Variants in GALNT13 observed in about 807,000 individuals in gnomAD.
GALNT13 encodes polypeptide N-acetylgalactosaminyltransferase 13, also known as UDP-GalNAc:polypeptide N-acetylgalactosaminyltransferase 13.
A neutral mutation model predicts 64.2 loss-of-function variants in GALNT13; 28 were observed. That is an observed-to-expected ratio of 0.44 (90% CI 0.32 to 0.60). The LOEUF (loss-of-function observed/expected upper bound fraction) is 0.60. Ranked by LOEUF, GALNT13 falls within the 20% of genes least tolerant of loss-of-function variation. The pLI, the probability that GALNT13 is intolerant of heterozygous loss-of-function variation, is 0.05. For missense variants in GALNT13, 577 were observed against 669.8 expected (o/e 0.86, Z 1.53); for synonymous variants, 214 against 224.6 (o/e 0.95, Z 0.42).
At chr2:153,156,958 T>C in the GALNT13 span, among the ~76,000 whole-genome samples, 1 of 152,178 alleles carries the variant, frequency 6.6e-6, no homozygotes, top group Admixed American at 6.5e-5. Flanking sequence ...TAGAGCTCTG[T>C]GAAGTGTCTG....
the GALNT13 span, among the ~76,000 whole-genome samples, chr2:153,304,548 A>T: frequency 2.0e-5 from 3 of 152,292 alleles, no homozygotes; most frequent in Admixed American, 2.0e-4. Flanking sequence ...GGGGACTAGA[A>T]CCACCAATAT....
chr2:153,107,855 A>G, the GALNT13 span, among the ~76,000 whole-genome samples: 1 of 152,224 alleles, frequency 6.6e-6, no homozygotes, highest in South Asian at 2.1e-4. Context: ...CAGAAAATCC[A>G]CAAAGTGAAC....
At chr2:153,443,230 G>T in the GALNT13 span, among the ~76,000 whole-genome samples, 9 of 152,214 alleles carry the variant, frequency 5.9e-5, no homozygotes. Context: ...TGTGGGAAAA[G>T]TGGAGTATCT....
At chr2:153,470,581 G>GAA in the GALNT13 span, among the ~76,000 whole-genome samples, 2 of 152,124 alleles carry the variant, frequency 1.3e-5, no homozygotes, top group Non-Finnish European at 2.9e-5. Context: ...GATGGAGAAA[G>GAA]TCTGAGTGAC....
chr2:153,378,939 T>C, the GALNT13 span, among the ~76,000 whole-genome samples: 1 of 152,116 alleles, frequency 6.6e-6, no homozygotes, highest in African/African-American at 2.4e-5. Flanking sequence ...TCAGAGATTT[T>C]TTTGGTGTTT....
intron 3 of GALNT13, among the ~76,000 whole-genome samples, chr2:153,990,492 T>A (rs1695090753): frequency 6.6e-6 from 1 of 152,152 alleles, no homozygotes; most frequent in East Asian, 1.9e-4. Context: ...TAGAATAAAG[T>A]CTTTACACAT....
At chr2:153,127,714 G>T in the GALNT13 span, among the ~76,000 whole-genome samples, 1 of 152,048 alleles carries the variant, frequency 6.6e-6, no homozygotes, top group Non-Finnish European at 1.5e-5. Flanking sequence ...ATTTTATTCT[G>T]AGCTTGCTGT....
the GALNT13 span, among the ~76,000 whole-genome samples, chr2:153,257,278 C>T: frequency 6.6e-6 from 1 of 152,142 alleles, no homozygotes; most frequent in Non-Finnish European, 1.5e-5. Context: ...CCTTGGGCTT[C>T]CCAAGTGAGG....
At chr2:154,063,889 A>C (rs1278315717) in intron 3 of GALNT13, among the ~76,000 whole-genome samples, 1 of 152,162 alleles carries the variant, frequency 6.6e-6, no homozygotes, top group Non-Finnish European at 1.5e-5. Flanking sequence ...AACTATCTAC[A>C]CAAAAAAGCA....
intron 8 of GALNT13, among the ~76,000 whole-genome samples, chr2:154,261,627 G>A (rs1180933721): frequency 6.6e-6 from 1 of 152,112 alleles, no homozygotes; most frequent in African/African-American, 2.4e-5. Flanking sequence ...CATACATTGA[G>A]CAAGTGATAT....
At chr2:153,075,893 C>CT in the GALNT13 span, among the ~76,000 whole-genome samples, 1 of 151,630 alleles carries the variant, frequency 6.6e-6, no homozygotes, top group South Asian at 2.1e-4. Context: ...CTCTACCTTG[C>CT]TTTTTTTTAA....
At position 154,008,870 on chromosome 2, in the gene GALNT13, T is replaced by C. The variant is rs545253864; in HGVS notation, c.142+64231T>C. Among the ~76,000 whole-genome samples, 11 of 152,344 alleles carry C rather than the reference T, an allele frequency of 7.2e-5. No individual in the cohort carries two copies. In the South Asian group the frequency reaches 2.3e-3, roughly 32 times the overall value. On this transcript the variant is annotated intron_variant, in intron 3 of 12. Coordinates refer to ENST00000392825, the MANE Select transcript of GALNT13 (RefSeq NM_052917.4). The stretch of plus-strand genomic sequence containing the variant: ...TATGGGCATTTAGGTTGATTACATG[T>C]ATTTACTATTGTGAATAGTGCTGAG...
At chr2:154,059,693 T>G (rs1700072887) in intron 3 of GALNT13, among the ~76,000 whole-genome samples, 1 of 150,520 alleles carries the variant, frequency 6.6e-6, no homozygotes, top group African/African-American at 2.5e-5. Context: ...AATAGTTGGA[T>G]TTTTGTAATA....
At chr2:153,577,585 A>C in the GALNT13 span, among the ~76,000 whole-genome samples, 1 of 152,056 alleles carries the variant, frequency 6.6e-6, no homozygotes, top group Non-Finnish European at 1.5e-5. Context: ...TGCTTTTCAG[A>C]TGCCCCCTCT....
At chr2:153,344,896 T>A in the GALNT13 span, among the ~76,000 whole-genome samples, 45 of 152,292 alleles carry the variant, frequency 3.0e-4, no homozygotes, top group African/African-American at 1.0e-3. Flanking sequence ...CAAGCATATC[T>A]CAATAACGCT....
intron 6 of GALNT13, among the ~76,000 whole-genome samples, chr2:154,243,282 G>A (rs979679587): frequency 1.3e-5 from 2 of 152,032 alleles, no homozygotes; most frequent in African/African-American, 4.8e-5. Context: ...CTTATAATGA[G>A]GAGGAACAAA....
chr2:154,050,022 A>G (rs1489522929), intron 3 of GALNT13, among the ~76,000 whole-genome samples: 1 of 152,068 alleles, frequency 6.6e-6, no homozygotes, highest in African/African-American at 2.4e-5. Flanking sequence ...GAATTTTTGT[A>G]TTAATATGTT....
the GALNT13 span, among the ~76,000 whole-genome samples, chr2:153,768,291 A>G: frequency 6.6e-6 from 1 of 152,152 alleles, no homozygotes; most frequent in African/African-American, 2.4e-5. Flanking sequence ...ATGTTCCATA[A>G]AGGTCTTATA....
At chr2:153,188,992 A>G in the GALNT13 span, among the ~76,000 whole-genome samples, 1 of 152,180 alleles carries the variant, frequency 6.6e-6, no homozygotes, top group South Asian at 2.1e-4. Flanking sequence ...CCTGATTTCT[A>G]GGTATTTTGA....
Sources: allele counts gnomAD v4.1 joint callset (sites outside exome capture counted in the v4.1 genomes callset), GRCh38; gene constraint gnomAD v4.1.1; transcripts MANE v1.5; gene names NCBI Gene and HGNC (gene_info 2026-07-23, HGNC 2026-07-21).